RSF1: variants seen among roughly 807,000 people sequenced by gnomAD.
RSF1 encodes HBV pX-associated protein 8.
A neutral mutation model predicts 145.2 loss-of-function variants in RSF1; 13 were observed. The ratio of observed to expected loss-of-function variants is 0.09; its 90% CI spans 0.06 to 0.14. The LOEUF is 0.14. RSF1 is among the 10% of genes least tolerant of loss of function. The pLI is 1.00. For missense variants in RSF1, 1,517 were observed against 1,718.2 expected (o/e 0.88, Z 2.07); for synonymous variants, 577 against 592.6 (o/e 0.97, Z 0.38).
intron 5 of RSF1, among the ~76,000 whole-genome samples, chr11:77,704,753 GT>G (rs72141127): frequency 0.21 from 28,321 of 134,328 alleles, 2,276 homozygotes; most frequent in Middle Eastern, 0.26. Flanking sequence ...GTTTGCCTTG[GT>G]TTTTTTTTTT....
chr11:77,790,453 T>C (rs550993847), intron 1 of RSF1, among the ~76,000 whole-genome samples: 33 of 152,240 alleles, frequency 2.2e-4, no homozygotes, highest in African/African-American at 7.2e-4. Flanking sequence ...CATATCATCC[T>C]GCCCCGGCCC....
chr11:77,721,279 C>T (rs1960934437), intron 5 of RSF1, among the ~76,000 whole-genome samples: 1 of 152,154 alleles, frequency 6.6e-6, no homozygotes, highest in Admixed American at 6.5e-5. Flanking sequence ...TCCTTCCCAC[C>T]TGGCCCTGAT....
intron 1 of RSF1, among the ~76,000 whole-genome samples, chr11:77,804,301 T>C (rs1335011481): frequency 6.6e-6 from 1 of 152,162 alleles, no homozygotes; most frequent in Non-Finnish European, 1.5e-5. Flanking sequence ...CTGTGAGTCA[T>C]TCCGGTGAAT....
the RSF1 span, among the ~76,000 whole-genome samples, chr11:77,870,674 T>G: frequency 6.6e-6 from 1 of 152,052 alleles, no homozygotes; most frequent in Non-Finnish European, 1.5e-5. Flanking sequence ...TATATGCTCA[T>G]TGTAAAAGAT....
At chr11:77,694,119 G>C (rs959925898) in intron 7 of RSF1, among the ~76,000 whole-genome samples, 2 of 152,062 alleles carry the variant, frequency 1.3e-5, no homozygotes, top group Non-Finnish European at 2.9e-5. Flanking sequence ...AAAAAGTTAA[G>C]CTATAAAATT....
intron 2 of RSF1, among the ~76,000 whole-genome samples, chr11:77,754,377 G>T (rs1439260575): frequency 6.6e-6 from 1 of 152,114 alleles, no homozygotes. Context: ...TGAGGTAGGA[G>T]GATCACTTGA....
intron 14 of RSF1, among the ~76,000 whole-genome samples, chr11:77,673,888 T>C (rs1959622381): frequency 6.6e-6 from 1 of 151,944 alleles, no homozygotes; most frequent in South Asian, 2.1e-4. Flanking sequence ...TTTAAAAATA[T>C]CAAGATGAGA....
At chr11:77,726,661 A>G (rs1961060538) in intron 4 of RSF1, among the ~76,000 whole-genome samples, 1 of 152,196 alleles carries the variant, frequency 6.6e-6, no homozygotes, top group Non-Finnish European at 1.5e-5. Flanking sequence ...TAGATATGCC[A>G]CTAGATTATT....
the RSF1 span, among the ~76,000 whole-genome samples, chr11:77,844,027 G>A: frequency 1.2e-4 from 18 of 152,102 alleles, no homozygotes; most frequent in Admixed American, 6.6e-5. Context: ...ACCTCCCACC[G>A]AGTTCCTCTC....
intron 1 of RSF1, among the ~76,000 whole-genome samples, chr11:77,797,732 A>T (rs1415614911): frequency 6.6e-6 from 1 of 152,260 alleles, no homozygotes; most frequent in Non-Finnish European, 1.5e-5. Context: ...GGCAACCCAT[A>T]GAATGAGAAA....
intron 2 of RSF1, among the ~76,000 whole-genome samples, chr11:77,747,480 C>CT (rs1428348697): frequency 6.6e-6 from 1 of 152,184 alleles, no homozygotes; most frequent in African/African-American, 2.4e-5. Context: ...ATTTATTCAT[C>CT]TTTTTGCCTA....
At chr11:77,691,287 C>A in intron 8 of RSF1, 49 bp from the exon 9 acceptor site, 1 of 1,497,340 alleles carries the variant, frequency 6.7e-7, no homozygotes, top group Non-Finnish European at 9.3e-7. Flanking sequence ...TTTTAGCAAT[C>A]ATTTATTACA....
At chr11:77,685,670 A>T (rs1390902307) in intron 9 of RSF1, among the ~76,000 whole-genome samples, 1 of 152,206 alleles carries the variant, frequency 6.6e-6, no homozygotes, top group Non-Finnish European at 1.5e-5. Context: ...TAGGGTTAAG[A>T]TAACAATATC....
At chr11:77,765,972 T>C (rs1340277823) in intron 1 of RSF1, among the ~76,000 whole-genome samples, 1 of 152,124 alleles carries the variant, frequency 6.6e-6, no homozygotes, top group Non-Finnish European at 1.5e-5. Context: ...TGTCTGGAAC[T>C]CCTGATCTCA....
At position 77,664,125 on chromosome 11, in the gene RSF1, C is replaced by T. The variant is rs898383745; in HGVS notation, c.*2792G>A. 6.6e-6 allele frequency: 1 copy of T among 152,130 alleles called. No homozygotes were observed. Among genetic ancestry groups the T allele is most frequent in the African/African-American group, 2.4e-5 (1 of 41,436 alleles). The allele number at this position is 152,130 out of a possible 1,614,324, so 9.4% of individuals were successfully genotyped here. On this transcript the variant is annotated 3_prime_UTR_variant, in exon 16 of 16. Transcript: ENST00000308488. ...AAATTTTTTAACTTCTTCAGAATAC[C>T]TTCAGAGTGTATTTCAGTGATCATA... is the stretch of plus-strand genomic sequence containing the variant.
rs368981045 is a variant in RSF1 at position 77,702,304 on chromosome 11, T to G, written c.925A>C (p.Lys309Gln). Residue 309 changes from lysine (K) to glutamine (Q), a missense_variant, in exon 6 of 16, where the codon AAA becomes CAA. Coordinates refer to ENST00000308488, the MANE Select transcript of RSF1 (RefSeq NM_016578.4). ...TCCTTGAAGGAATCACTTTCTTCTT[T>G]GATAATCTTTTTTTCTTCATTTTCT... ...LPENEEKKII[K>Q]EESDSFKENV... is the part of the protein sequence containing the mutation. 1.1e-5 allele frequency: 18 copies of G among 1,609,610 alleles called. No individual in the cohort carries two copies. Among genetic ancestry groups the G allele is most frequent in the Non-Finnish European group, 1.5e-5 (18 of 1,179,066 alleles).
the RSF1 span, among the ~76,000 whole-genome samples, chr11:77,845,123 T>C: frequency 6.6e-6 from 1 of 152,176 alleles, no homozygotes; most frequent in East Asian, 1.9e-4. Flanking sequence ...TTCATGAAGA[T>C]GTAGATTATT....
At chr11:77,835,137 A>T in the RSF1 span, among the ~76,000 whole-genome samples, 1 of 152,198 alleles carries the variant, frequency 6.6e-6, no homozygotes, top group Non-Finnish European at 1.5e-5. Context: ...TTTGCAATTG[A>T]GTGTGACCAC....
At chr11:77,852,239 A>AAAAAAAAAAAAAAAAAG in the RSF1 span, among the ~76,000 whole-genome samples, 2 of 133,828 alleles carry the variant, frequency 1.5e-5, no homozygotes, top group Non-Finnish European at 3.1e-5. Context: ...AAAAAAAAAA[A>AAAAAAAAAAAAAAAAAG]AAGAAGAAGA....
Sources: allele counts gnomAD v4.1 joint callset (sites outside exome capture counted in the v4.1 genomes callset), GRCh38; gene constraint gnomAD v4.1.1; transcripts MANE v1.5; gene names NCBI Gene and HGNC (gene_info 2026-07-23, HGNC 2026-07-21).